The following TMEM240 variants were observed in gnomAD, a reference collection of about 807,000 sequenced individuals.
TMEM240 encodes transmembrane protein C1orf70.
TMEM240 carries 3 observed loss-of-function variants against 19.5 expected under a neutral mutation model. The ratio of observed to expected loss-of-function variants is 0.15; its 90% confidence interval spans 0.07 to 0.40. TMEM240 has a LOEUF of 0.40. Among genes scored for constraint, TMEM240 ranks in the 10% least tolerant of loss-of-function variants. The probability of loss-of-function intolerance (pLI) is 1.00; values close to 1 mark genes in which losing one functional copy is unlikely to be tolerated. For synonymous variants in TMEM240, 123 were observed against 109.3 expected, an observed-to-expected ratio of 1.13 and a Z score of -0.78; for missense variants, 210 against 253.5, an observed-to-expected ratio of 0.83 and a Z score of 1.17.
rs774697071 is a variant in TMEM240 at position 1,535,550 on chromosome 1, G to T, written c.373+39C>A. 38 of 1,542,824 alleles carry T rather than the reference G, an allele frequency of 2.5e-5. No individual in the cohort carries two copies. The highest frequency in any genetic ancestry group is 6.1e-6 in the Non-Finnish European group (7 of 1,142,690). ...CGGTCAGGCGGCTGGGGCCGGCCAG[G>T]GCGGCAGCACTCCCGGGCGGCGGGC... On this transcript the variant is annotated intron_variant, in intron 3 of 3. Coordinates refer to ENST00000378733, the MANE Select transcript of TMEM240 (RefSeq NM_001114748.2). This position sits in a 1 kb window ranked among gnomAD's most constrained non-coding sequence, Gnocchi z 8.2.
rs1190218399 is a variant in TMEM240 at position 1,535,333 on chromosome 1, G to T, written c.*26C>A. On this transcript the variant is annotated 3_prime_UTR_variant, in exon 4 of 4. Coordinates refer to ENST00000378733, the MANE Select transcript of TMEM240 (RefSeq NM_001114748.2). This position sits in a 1 kb window ranked among gnomAD's most constrained non-coding sequence, Gnocchi z 8.2. ...ATCTGTACAGCAGCCGGTTGGCTCG[G>T]TGGCCCCGGTAAGTCCCCGTGCGGC... The T allele has an allele frequency of 6.5e-7, 1 of 1,546,804 alleles. No individual in the cohort carries two copies. Among genetic ancestry groups the T allele is most frequent in the East Asian group, 2.5e-5 (1 of 40,698 alleles).
Position 1,535,190 on chromosome 1 carries a change from A to T in TMEM240, c.*169T>A. Reference sequence around the variant, plus strand: ...TAGCCCACACCCCAACCCCCTTTATAAAAAGAAGAGACAGCACCTTCCACT... The same window carrying T: ...TAGCCCACACCCCAACCCCCTTTATTAAAAGAAGAGACAGCACCTTCCACT... On this transcript the variant is annotated 3_prime_UTR_variant, in exon 4 of 4. Transcript: ENST00000378733. The surrounding 1 kb of genome is among the most constrained non-coding windows in gnomAD (Gnocchi z 8.2). The T allele has an allele frequency of 1.5e-6, 1 of 678,908 alleles. No individual in the cohort carries two copies. The allele number at this position is 678,908 out of a possible 1,614,324, so 42.1% of individuals were successfully genotyped here.
At position 1,535,773 on chromosome 1, in the gene TMEM240, C is replaced by A. The variant is rs538112144; in HGVS notation, c.189G>T (p.Pro63=). The change falls in exon 3 of 4, where the codon CCG becomes CCT. Residue 63 remains proline (P), a synonymous_variant. Coordinates refer to ENST00000378733, the MANE Select transcript of TMEM240 (RefSeq NM_001114748.2). This position sits in a 1 kb window ranked among gnomAD's most constrained non-coding sequence, Gnocchi z 8.2. ...CCACCACCGACTGGTCCCCGTCGTA[C>A]GGGATCACGTAGTGGATATGGTGCC... is the stretch of plus-strand genomic sequence containing the variant. The part of the protein sequence containing the change: ...CGRHHIHYVI[P]YDGDQSVVDA... 6.5e-6 allele frequency: 10 copies of A among 1,550,068 alleles called. No homozygotes were observed. In the East Asian group the frequency reaches 1.7e-4, roughly 27 times the overall value.
Position 1,534,885 on chromosome 1 carries a change from C to T in TMEM240, c.*474G>A, listed in dbSNP as rs1642176687. Among the ~76,000 whole-genome samples the T allele has an allele frequency of 6.6e-6, 1 of 152,084 alleles. No homozygotes were observed. The highest frequency in any genetic ancestry group is 2.4e-5 in the African/African-American group (1 of 41,376). Reference sequence around the variant, plus strand: ...GCTGCCTGGGCCCAGCCACCTGCACCCCACCCTGTGGCTGTGCACACGCGG... The same window carrying T: ...GCTGCCTGGGCCCAGCCACCTGCACTCCACCCTGTGGCTGTGCACACGCGG... On this transcript the variant is annotated 3_prime_UTR_variant, in exon 4 of 4. Transcript: ENST00000378733.
chr1:1,537,717 A>T (rs529392818), intron 2 of TMEM240, among the ~76,000 whole-genome samples: 1 of 152,316 alleles, frequency 6.6e-6, no homozygotes, highest in South Asian at 2.1e-4. Flanking sequence ...TATACACACC[A>T]GCCACATGCA....
At chr1:1,539,585 GC>G in intron 2 of TMEM240, 98 bp downstream of exon 2, 1 of 1,078,128 alleles carries the variant, frequency 9.3e-7, no homozygotes, top group Non-Finnish European at 1.4e-6. Flanking sequence ...GTGGAAGGCG[GC>G]TCGCGGCCTG....
rs573489082 is a variant in TMEM240 at position 1,536,933 on chromosome 1, C to G, written c.165-1136G>C. Among the ~76,000 whole-genome samples the G allele has an allele frequency of 3.6e-4, 55 of 152,172 alleles. No homozygotes were observed. In the South Asian group the frequency reaches 0.011, roughly 30 times the overall value. Reference sequence around the variant, plus strand: ...TTCTCCCCCACCTTCCCCTCGGTGACGTAGCAGCGCCTCAGCCTGGTTTTC... The same window carrying G: ...TTCTCCCCCACCTTCCCCTCGGTGAGGTAGCAGCGCCTCAGCCTGGTTTTC... On this transcript the variant is annotated intron_variant, in intron 2 of 3. Transcript: ENST00000378733. The surrounding 1 kb of genome is among the most constrained non-coding windows in gnomAD (Gnocchi z 5.4).
intron 2 of TMEM240, among the ~76,000 whole-genome samples, chr1:1,538,353 G>C (rs542492934): frequency 3.9e-5 from 6 of 152,182 alleles, no homozygotes; most frequent in Admixed American, 6.5e-5. Flanking sequence ...CCGAGTCCAC[G>C]CGTGCTCTGG....
At position 1,536,916 on chromosome 1, in the gene TMEM240, C is replaced by G. The variant is rs1368906938; in HGVS notation, c.165-1119G>C. On this transcript the variant is annotated intron_variant, in intron 2 of 3. Coordinates refer to ENST00000378733, the MANE Select transcript of TMEM240 (RefSeq NM_001114748.2). The surrounding 1 kb of genome is among the most constrained non-coding windows in gnomAD (Gnocchi z 5.4). ...TCTCTCCCCAGACCTGCTTCTCCCCCACCTTCCCCTCGGTGACGTAGCAGC... is the reference window on the plus strand; with the variant it reads ...TCTCTCCCCAGACCTGCTTCTCCCCGACCTTCCCCTCGGTGACGTAGCAGC... 2.0e-5 allele frequency among the ~76,000 whole-genome samples: 3 copies of G among 152,078 alleles called. No homozygotes were observed. The highest frequency in any genetic ancestry group is 1.9e-4 in the East Asian group (1 of 5,180).
intron 1 of TMEM240, 23 bp downstream of exon 1, chr1:1,540,267 G>C (rs974910993): frequency 7.6e-7 from 1 of 1,312,012 alleles, no homozygotes; most frequent in Admixed American, 4.0e-5. Flanking sequence ...CAGGGGGCGC[G>C]CGCGGGAAGC....
In TMEM240 at chr1:1,535,895, C is replaced by T; in HGVS notation, c.165-98G>A. 1 of 940,394 alleles carries T rather than the reference C, an allele frequency of 1.1e-6. No individual in the cohort carries two copies. 58.3% of individuals were successfully genotyped at this position (940,394 alleles called of 1,614,324 possible). A position where few individuals can be genotyped will look rare whatever the true frequency, so the allele number is the denominator to read the frequency against. ...GTGGTGGGGGTGTGACCGCGTCAGGCCGCCCTGGGGGTTCTCTGAAGCAGC... is the reference window on the plus strand; with the variant it reads ...GTGGTGGGGGTGTGACCGCGTCAGGTCGCCCTGGGGGTTCTCTGAAGCAGC... On this transcript the variant is annotated intron_variant, in intron 2 of 3. Coordinates refer to ENST00000378733, the MANE Select transcript of TMEM240 (RefSeq NM_001114748.2). This position sits in a 1 kb window ranked among gnomAD's most constrained non-coding sequence, Gnocchi z 8.2.
In TMEM240 at chr1:1,536,202, G is replaced by C. The variant is rs531513964; in HGVS notation, c.165-405C>G. Reference sequence around the variant, plus strand: ...GGGTCACAGCTCACCCGCCCGCCCCGGGGCCGCGGAGGCCACTTGGAGCAG... The same window carrying C: ...GGGTCACAGCTCACCCGCCCGCCCCCGGGCCGCGGAGGCCACTTGGAGCAG... On this transcript the variant is annotated intron_variant, in intron 2 of 3. Transcript: ENST00000378733. This position sits in a 1 kb window ranked among gnomAD's most constrained non-coding sequence, Gnocchi z 5.4. Among the ~76,000 whole-genome samples, 667 of 152,214 alleles carry C rather than the reference G, an allele frequency of 4.4e-3. 5 individuals are homozygous for C. Among genetic ancestry groups the C allele is most frequent in the African/African-American group, 0.015 (619 of 41,528 alleles).
intron 2 of TMEM240, among the ~76,000 whole-genome samples, chr1:1,538,300 T>TGGTTCTGCTTCCCACACACGGCTGC (rs1408340851): frequency 1.3e-5 from 2 of 152,332 alleles, no homozygotes; most frequent in African/African-American, 4.8e-5. Flanking sequence ...CAGCAGGCTG[T>TGGTTCTGCTTCCCACACACGGCTGC]GGCTCTGCTT....
At position 1,536,682 on chromosome 1, in the gene TMEM240, G is replaced by A. The variant is rs866589489; in HGVS notation, c.165-885C>T. Among the ~76,000 whole-genome samples, 29 of 152,098 alleles carry A rather than the reference G, an allele frequency of 1.9e-4. No individual in the cohort carries two copies. Among genetic ancestry groups the A allele is most frequent in the African/African-American group, 6.3e-4 (26 of 41,430 alleles). The stretch of plus-strand genomic sequence containing the variant: ...CACCCTGTCCCAGGAAGGTCTCCGG[G>A]CCTTGACTCTGCCGATCGGACTGGC... On this transcript the variant is annotated intron_variant, in intron 2 of 3. Coordinates refer to ENST00000378733, the MANE Select transcript of TMEM240 (RefSeq NM_001114748.2). The surrounding 1 kb of genome is among the most constrained non-coding windows in gnomAD (Gnocchi z 5.4).
At position 1,535,621 on chromosome 1, in the gene TMEM240, G is replaced by A; in HGVS notation, c.341C>T (p.Ala114Val). The A allele has an allele frequency of 2.6e-6, 4 of 1,549,758 alleles. No homozygotes were observed. The highest frequency in any genetic ancestry group is 3.5e-6 in the Non-Finnish European group (4 of 1,146,528). ...LVWMDGVLHC[A>V]VRAWRAGRRY... ...CCGTCCGGCTCTCCAGGCGCGCACG[G>A]CGCAGTGCAGGACGCCGTCCATCCA... Residue 114 changes from alanine to valine, a missense_variant, in exon 3 of 4, where the codon GCC (alanine) becomes GTC (valine). Physicochemically the swap from Ala to Val is moderately conservative, Grantham distance 64 (BLOSUM62 0). Transcript: ENST00000378733. This position sits in a 1 kb window ranked among gnomAD's most constrained non-coding sequence, Gnocchi z 8.2.
Position 1,535,809 on chromosome 1 carries a change from AG to A in TMEM240, c.165-13del. 6.5e-7 allele frequency: 1 copy of A among 1,548,546 alleles called. No individual in the cohort carries two copies. The highest frequency in any genetic ancestry group is 8.7e-7 in the Non-Finnish European group (1 of 1,145,868). ...AGTGGATATGGTGCCTGGGGGCGGCAGGGCGGGCTGGCACCTCTCCCGCCAC... is the reference window on the plus strand; with the variant it reads ...AGTGGATATGGTGCCTGGGGGCGGCAGGCGGGCTGGCACCTCTCCCGCCAC... On this transcript the variant is annotated splice_polypyrimidine_tract_variant and intron_variant, in intron 2 of 3. Coordinates refer to ENST00000378733, the MANE Select transcript of TMEM240 (RefSeq NM_001114748.2). The surrounding 1 kb of genome is among the most constrained non-coding windows in gnomAD (Gnocchi z 8.2).
In TMEM240 at chr1:1,535,362, C is replaced by G. The variant is rs1642196815; in HGVS notation, c.519G>C (p.Leu173=). The G allele has an allele frequency of 6.5e-7, 1 of 1,549,266 alleles. No homozygotes were observed. Among genetic ancestry groups the G allele is most frequent in the Non-Finnish European group, 8.7e-7 (1 of 1,146,306 alleles). ...YHNGHPSPRH[L] The stretch of plus-strand genomic sequence containing the variant: ...CCCCGGTAAGTCCCCGTGCGGCTCA[C>G]AGGTGCCGCGGGCTGGGGTGGCCAT... Residue 173 remains leucine, a synonymous_variant, in exon 4 of 4, where the codon CTG becomes CTC. Transcript: ENST00000378733. This position sits in a 1 kb window ranked among gnomAD's most constrained non-coding sequence, Gnocchi z 8.2.
In TMEM240 at chr1:1,536,319, C is replaced by T. The variant is rs762554387; in HGVS notation, c.165-522G>A. On this transcript the variant is annotated intron_variant, in intron 2 of 3. Transcript: ENST00000378733. This position sits in a 1 kb window ranked among gnomAD's most constrained non-coding sequence, Gnocchi z 5.4. ...GTGCCCTTTCCTCCACGGCTGCCAC[C>T]GCGCCTGCCAGGCCCACTGCCCCTG... is the stretch of plus-strand genomic sequence containing the variant. Among the ~76,000 whole-genome samples, 7 of 152,160 alleles carry T rather than the reference C, an allele frequency of 4.6e-5. No individual in the cohort carries two copies. The highest frequency in any genetic ancestry group is 7.2e-5 in the African/African-American group (3 of 41,434).
Position 1,535,875 on chromosome 1 carries a change from G to A in TMEM240, c.165-78C>T, listed in dbSNP as rs1423057931. The A allele has an allele frequency of 4.5e-6, 6 of 1,332,366 alleles. No homozygotes were observed. The highest frequency in any genetic ancestry group is 2.4e-4 in the Middle Eastern group (1 of 4,204). 82.5% of individuals were successfully genotyped at this position (1,332,366 alleles called of 1,614,324 possible). ...TCCCCCGGGGCGCCTACCCCGTGGT[G>A]GGGGTGTGACCGCGTCAGGCCGCCC... is the stretch of plus-strand genomic sequence containing the variant. On this transcript the variant is annotated intron_variant, in intron 2 of 3. Coordinates refer to ENST00000378733, the MANE Select transcript of TMEM240 (RefSeq NM_001114748.2). This position sits in a 1 kb window ranked among gnomAD's most constrained non-coding sequence, Gnocchi z 8.2.
Sources: allele counts gnomAD v4.1 joint callset (sites outside exome capture counted in the v4.1 genomes callset), GRCh38; gene constraint gnomAD v4.1.1; non-coding constraint Gnocchi (gnomAD v3.1); transcripts MANE v1.5; gene names NCBI Gene and HGNC (gene_info 2026-07-23, HGNC 2026-07-21).